The following ABI1 variants were observed in gnomAD, a reference collection of about 807,000 sequenced individuals.
ABI1 encodes Abelson interactor 1.
Under a neutral mutation model 54.6 loss-of-function variants are expected in ABI1, and 14 were observed. The ratio of observed to expected loss-of-function variants is 0.26; its 90% CI spans 0.17 to 0.40. The LOEUF (loss-of-function observed/expected upper bound fraction) is 0.40. ABI1 is among the 10% of genes least tolerant of loss of function. The pLI, the probability that ABI1 is intolerant of heterozygous loss-of-function variation, is 1.00. For missense variants in ABI1, 443 were observed against 598.3 expected (o/e 0.74, Z 2.71); for synonymous variants, 194 against 209.3 (o/e 0.93, Z 0.63).
chr10:26,823,595 T>G (rs1317742657), intron 1 of ABI1, among the ~76,000 whole-genome samples: 1 of 152,122 alleles, frequency 6.6e-6, no homozygotes, highest in Non-Finnish European at 1.5e-5. Context: ...CCTAGACCCT[T>G]TCCATCACCA....
At chr10:26,824,001 T>TTCAGGA (rs1215059970) in intron 1 of ABI1, among the ~76,000 whole-genome samples, 1 of 151,576 alleles carries the variant, frequency 6.6e-6, no homozygotes, top group Non-Finnish European at 1.5e-5. Flanking sequence ...TACCTACAAC[T>TTCAGGA]TCAGGAAAAT....
At chr10:26,777,903 T>TGA (rs1024167694) in intron 2 of ABI1, among the ~76,000 whole-genome samples, 1 of 152,000 alleles carries the variant, frequency 6.6e-6, no homozygotes, top group Non-Finnish European at 1.5e-5. Flanking sequence ...TACAACACAA[T>TGA]GAGGCAAGTG....
chr10:26,749,903 T>C (rs1226973900), intron 10 of ABI1, among the ~76,000 whole-genome samples: 1 of 152,234 alleles, frequency 6.6e-6, no homozygotes, highest in Non-Finnish European at 1.5e-5. Context: ...ATATTTACTA[T>C]CTGGCTTTAT....
intron 1 of ABI1, among the ~76,000 whole-genome samples, chr10:26,837,902 A>C (rs67016888): frequency 0.25 from 37,797 of 150,540 alleles, 5,406 homozygotes; most frequent in South Asian, 0.43. Flanking sequence ...GGCATGAGCC[A>C]CCACACCCAG....
intron 1 of ABI1, among the ~76,000 whole-genome samples, chr10:26,854,023 G>T (rs1048568991): frequency 1.3e-5 from 2 of 152,060 alleles, no homozygotes; most frequent in Non-Finnish European, 2.9e-5. Flanking sequence ...TATAAATAAG[G>T]TTACTGTAAA....
chr10:26,760,870 C>T (rs1023523103), intron 7 of ABI1, among the ~76,000 whole-genome samples: 11 of 106,552 alleles, frequency 1.0e-4, no homozygotes, highest in Non-Finnish European at 1.3e-4. Flanking sequence ...GCCTGAGTGA[C>T]GGAGAAAGAC....
At chr10:26,828,699 A>G (rs1263513455) in intron 1 of ABI1, among the ~76,000 whole-genome samples, 1 of 152,234 alleles carries the variant, frequency 6.6e-6, no homozygotes, top group Non-Finnish European at 1.5e-5. Flanking sequence ...AGGATTTACC[A>G]TTAGAATAAA....
chr10:26,756,233 C>A (rs1435193995), intron 8 of ABI1, among the ~76,000 whole-genome samples: 2 of 152,070 alleles, frequency 1.3e-5, no homozygotes, highest in African/African-American at 4.8e-5. Flanking sequence ...CTATTTATTT[C>A]ATATATCAAT....
intron 2 of ABI1, among the ~76,000 whole-genome samples, chr10:26,796,357 T>G (rs1403988814): frequency 1.3e-5 from 2 of 152,202 alleles, no homozygotes; most frequent in African/African-American, 4.8e-5. Flanking sequence ...AAGATTATAA[T>G]ACTGTATTTT....
chr10:26,857,320 CAAAAAAAAAAAAAAAA>C (rs71403897), intron 1 of ABI1, among the ~76,000 whole-genome samples: 7 of 75,906 alleles, frequency 9.2e-5, no homozygotes, highest in Non-Finnish European at 1.2e-4. Flanking sequence ...GACTCCATCT[CAAAAAAAAAAAAAAAA>C]AAAAAAAAAA....
intron 2 of ABI1, among the ~76,000 whole-genome samples, chr10:26,810,285 T>C (rs1422140188): frequency 6.6e-6 from 1 of 152,102 alleles, no homozygotes; most frequent in East Asian, 1.9e-4. Flanking sequence ...GCTGGGGATA[T>C]GGTAGGAATG....
chr10:26,796,210 C>T (rs1844144055), intron 2 of ABI1, among the ~76,000 whole-genome samples: 1 of 152,050 alleles, frequency 6.6e-6, no homozygotes, highest in African/African-American at 2.4e-5. Context: ...AGCAGATATT[C>T]AGAATAAGTT....
In ABI1 at chr10:26,746,630, T is replaced by G. The variant is rs1046187; in HGVS notation, c.*1940A>C. 5,993 of 756,810 alleles carry G rather than the reference T, an allele frequency of 7.9e-3. 147 individuals carry two copies. Among genetic ancestry groups the G allele is most frequent in the African/African-American group, 0.069 (3,928 of 56,678 alleles). The allele number at this position is 756,810 out of a possible 1,614,324, so 46.9% of individuals were successfully genotyped here. ...AATTTATTTTTTTTTATTGCAAAAG[T>G]TTTTTCAGAAAACTTTTTAAATGTA... On this transcript the variant is annotated 3_prime_UTR_variant, in exon 11 of 11. Transcript: ENST00000376140.
intron 6 of ABI1, 38 bp downstream of exon 6, chr10:26,768,814 A>G (rs749764667): frequency 6.3e-7 from 1 of 1,583,130 alleles, no homozygotes; most frequent in Admixed American, 1.8e-5. Flanking sequence ...AGTTACACCC[A>G]CTTTAGAGAT....
At chr10:26,813,434 G>T (rs2047365787) in intron 2 of ABI1, among the ~76,000 whole-genome samples, 1 of 152,136 alleles carries the variant, frequency 6.6e-6, no homozygotes, top group Non-Finnish European at 1.5e-5. Flanking sequence ...AGAGCCAAAA[G>T]AAACTACAGG....
intron 1 of ABI1, among the ~76,000 whole-genome samples, chr10:26,829,043 G>A (rs754151503): frequency 6.6e-6 from 1 of 151,994 alleles, no homozygotes. Flanking sequence ...TGGCTAACAC[G>A]GTGAAACCCC....
intron 2 of ABI1, among the ~76,000 whole-genome samples, chr10:26,800,004 T>TAAA (rs56949695): frequency 8.0e-6 from 1 of 124,716 alleles, no homozygotes; most frequent in Non-Finnish European, 1.8e-5. Flanking sequence ...CACAAAAACG[T>TAAA]AAAAAAAAAA....
At chr10:26,786,215 C>A (rs1449726683) in intron 2 of ABI1, among the ~76,000 whole-genome samples, 1 of 150,212 alleles carries the variant, frequency 6.7e-6, no homozygotes, top group East Asian at 2.0e-4. Flanking sequence ...GAATGCCTCT[C>A]TACACTTTTT....
At chr10:26,811,595 T>C (rs1050062441) in intron 2 of ABI1, among the ~76,000 whole-genome samples, 3 of 152,192 alleles carry the variant, frequency 2.0e-5, no homozygotes, top group Non-Finnish European at 4.4e-5. Context: ...TATTTCATAA[T>C]AGGACTTTGG....
Sources: gnomAD v4.1 joint callset for allele counts (sites outside exome capture counted in the v4.1 genomes callset) on GRCh38, gnomAD v4.1.1 for gene constraint, MANE v1.5 for transcripts, NCBI Gene and HGNC (gene_info 2026-07-23, HGNC 2026-07-21) for gene names.